TRPM3: variants seen among roughly 807,000 people sequenced by gnomAD.
TRPM3 encodes the protein transient receptor potential cation channel subfamily M member 3.
In TRPM3, 77 loss-of-function variants were observed where a neutral mutation model predicts 181.2. The observed-to-expected ratio is 0.42, with a 90% CI of 0.35 to 0.51. The LOEUF is 0.51. TRPM3 is among the 20% of genes least tolerant of loss of function. The pLI is 0.01. For synonymous variants in TRPM3, 745 were observed against 796.4 expected (o/e 0.94, Z 1.09); for missense variants, 1,759 against 2,196.7 (o/e 0.80, Z 3.98).
intron 1 of TRPM3, among the ~76,000 whole-genome samples, chr9:71,031,994 T>TA (rs370330029): frequency 0.67 from 1,474 of 2,196 alleles, 597 homozygotes; most frequent in Middle Eastern, 1. Flanking sequence ...ATATTATATA[T>TA]ATATAATTAT....
chr9:70,841,479 G>GGT (rs2094618775), intron 5 of TRPM3, among the ~76,000 whole-genome samples: 1 of 150,170 alleles, frequency 6.7e-6, no homozygotes, highest in African/African-American at 2.4e-5. Context: ...GATTTAAAGT[G>GGT]TTTTTTTATT....
chr9:70,927,294 C>T (rs1278847812), intron 1 of TRPM3, among the ~76,000 whole-genome samples: 1 of 152,108 alleles, frequency 6.6e-6, no homozygotes, highest in Non-Finnish European at 1.5e-5. Context: ...CTTTCATGTT[C>T]TGGACATAGA....
intron 1 of TRPM3, among the ~76,000 whole-genome samples, chr9:71,341,506 T>C (rs986401679): frequency 2.6e-5 from 4 of 151,934 alleles, no homozygotes; most frequent in Admixed American, 6.6e-5. Context: ...CGAACTCAAG[T>C]TGAGAAACAT....
intron 1 of TRPM3, among the ~76,000 whole-genome samples, chr9:71,326,590 C>G (rs2089700188): frequency 6.6e-6 from 1 of 152,182 alleles, no homozygotes; most frequent in African/African-American, 2.4e-5. Context: ...AGCACAAGTT[C>G]TAATAAAGAC....
chr9:70,559,044 T>A (rs1340532386), intron 22 of TRPM3, among the ~76,000 whole-genome samples: 1 of 152,236 alleles, frequency 6.6e-6, no homozygotes, highest in African/African-American at 2.4e-5. Context: ...TGGGGGGTTT[T>A]GGAGCACAGC....
chr9:71,428,610 G>T (rs898315646), intron 1 of TRPM3, among the ~76,000 whole-genome samples: 1 of 152,094 alleles, frequency 6.6e-6, no homozygotes, highest in African/African-American at 2.4e-5. Context: ...TATCATTGAT[G>T]AATCTCTACC....
intron 1 of TRPM3, among the ~76,000 whole-genome samples, chr9:71,061,921 C>T (rs1327647490): frequency 6.6e-6 from 1 of 151,898 alleles, no homozygotes; most frequent in African/African-American, 2.4e-5. Flanking sequence ...AATGGGGACC[C>T]CTGACATAGA....
intron 1 of TRPM3, among the ~76,000 whole-genome samples, chr9:71,286,959 A>T: frequency 1.1e-5 from 1 of 90,494 alleles, no homozygotes; most frequent in South Asian, 2.7e-4. Flanking sequence ...ATTTTATATA[A>T]ATTATATATA....
intron 1 of TRPM3, among the ~76,000 whole-genome samples, chr9:71,143,494 T>G (rs1039109148): frequency 1.3e-5 from 2 of 152,154 alleles, no homozygotes; most frequent in African/African-American, 2.4e-5. Context: ...CTAGCTCTAT[T>G]CATGTCCCTG....
At chr9:71,332,948 G>T (rs1292604886) in intron 1 of TRPM3, among the ~76,000 whole-genome samples, 1 of 151,756 alleles carries the variant, frequency 6.6e-6, no homozygotes, top group African/African-American at 2.4e-5. Context: ...TCAATATTAG[G>T]AGAATTCCCA....
At chr9:70,867,034 G>T (rs1393549903) in intron 1 of TRPM3, among the ~76,000 whole-genome samples, 1 of 152,006 alleles carries the variant, frequency 6.6e-6, no homozygotes, top group Non-Finnish European at 1.5e-5. Context: ...AGCATGCCCA[G>T]GAGTATCCTG....
intron 16 of TRPM3, among the ~76,000 whole-genome samples, chr9:70,619,805 G>A (rs527619201): frequency 1.4e-3 from 219 of 152,198 alleles, no homozygotes; most frequent in Non-Finnish European, 2.6e-3. Flanking sequence ...TAAATTCTCT[G>A]AGCCCCATTT....
chr9:70,821,395 C>T (rs973448196), intron 6 of TRPM3, among the ~76,000 whole-genome samples: 5 of 152,100 alleles, frequency 3.3e-5, no homozygotes, highest in African/African-American at 9.7e-5. Flanking sequence ...GCTATAATAA[C>T]ATTTTTTAAT....
chr9:71,362,302 G>A lies in TRPM3; in HGVS notation c.183+84351C>T, dbSNP rs573156392. Among the ~76,000 whole-genome samples, 3 of 152,272 alleles carry A rather than the reference G, an allele frequency of 2.0e-5. No homozygotes were observed. The South Asian group carries it at 6.2e-4, about 32-fold the overall frequency. The stretch of plus-strand genomic sequence containing the variant: ...CCTGGGAGGAGATGCACCTATAGCC[G>A]TTAACTGTCAGCCCAGACCTAAGGA... On this transcript the variant is annotated intron_variant, in intron 1 of 24. Transcript: ENST00000357533.
intron 1 of TRPM3, among the ~76,000 whole-genome samples, chr9:71,093,430 T>C (rs651560): frequency 0.23 from 34,856 of 151,754 alleles, 4,719 homozygotes; most frequent in East Asian, 0.32. Context: ...GTGAAGGATA[T>C]GAACAGACAC....
At chr9:71,335,645 A>G (rs796901219) in intron 1 of TRPM3, among the ~76,000 whole-genome samples, 14 of 152,264 alleles carry the variant, frequency 9.2e-5, no homozygotes, top group African/African-American at 3.4e-4. Context: ...GGATCAATAA[A>G]CTGAGTTATT....
At chr9:71,229,935 A>G (rs1461905419) in intron 1 of TRPM3, among the ~76,000 whole-genome samples, 2 of 152,178 alleles carry the variant, frequency 1.3e-5, no homozygotes, top group African/African-American at 4.8e-5. Context: ...ACTGTTAGGT[A>G]TATACACCGG....
At chr9:70,697,768 A>G (rs1450952180) in intron 8 of TRPM3, among the ~76,000 whole-genome samples, 1 of 152,222 alleles carries the variant, frequency 6.6e-6, no homozygotes, top group Non-Finnish European at 1.5e-5. Flanking sequence ...AATTGTCATT[A>G]TCAGTAGTTA....
intron 5 of TRPM3, among the ~76,000 whole-genome samples, chr9:70,833,997 A>G (rs1306520009): frequency 6.6e-6 from 1 of 152,176 alleles, no homozygotes; most frequent in African/African-American, 2.4e-5. Context: ...ATGAAAAAAA[A>G]GAAAGGATCT....
Sources: gnomAD v4.1 joint callset for allele counts (sites outside exome capture counted in the v4.1 genomes callset) on GRCh38, gnomAD v4.1.1 for gene constraint, MANE v1.5 for transcripts, NCBI Gene and HGNC (gene_info 2026-07-23, HGNC 2026-07-21) for gene names.